KAT2B: variants seen among roughly 807,000 people sequenced by gnomAD.
KAT2B encodes the protein histone acetyltransferase KAT2B.
In KAT2B, 36 loss-of-function variants were observed where a neutral mutation model predicts 105.9. That is an observed-to-expected ratio of 0.34 (90% CI 0.26 to 0.45). KAT2B has a LOEUF of 0.45. KAT2B is among the 20% of genes least tolerant of loss of function. KAT2B has a pLI of 1.00. For missense variants in KAT2B, 820 were observed against 1,021.6 expected (o/e 0.80, Z 2.69); for synonymous variants, 397 against 377.9 (o/e 1.05, Z -0.59).
intron 1 of KAT2B, among the ~76,000 whole-genome samples, chr3:20,055,056 G>C (rs1421965672): frequency 6.6e-6 from 1 of 151,956 alleles, no homozygotes; most frequent in Non-Finnish European, 1.5e-5. Context: ...GAAAGGGTGG[G>C]AGAGAGACCC....
chr3:20,095,769 A>G (rs1698797783), intron 3 of KAT2B, among the ~76,000 whole-genome samples: 1 of 152,212 alleles, frequency 6.6e-6, no homozygotes, highest in South Asian at 2.1e-4. Context: ...CATGCAATAT[A>G]TATTTCAGCA....
At chr3:20,084,161 A>G (rs1698572998) in intron 2 of KAT2B, among the ~76,000 whole-genome samples, 1 of 152,146 alleles carries the variant, frequency 6.6e-6, no homozygotes, top group African/African-American at 2.4e-5. Context: ...TATATAGTGT[A>G]GTCATAGCTG....
At chr3:20,135,068 T>C (rs1022095195) in intron 11 of KAT2B, among the ~76,000 whole-genome samples, 1 of 152,196 alleles carries the variant, frequency 6.6e-6, no homozygotes, top group Non-Finnish European at 1.5e-5. Context: ...TCTATACACA[T>C]GTGTTTATAT....
At chr3:20,130,139 G>T (rs59213344) in intron 11 of KAT2B, among the ~76,000 whole-genome samples, 6,144 of 152,266 alleles carry the variant, frequency 0.04, 154 homozygotes, top group Non-Finnish European at 0.055. Context: ...CACCACGCCC[G>T]GCCTCAGCAC....
chr3:20,062,242 T>C (rs1698139214), intron 1 of KAT2B, among the ~76,000 whole-genome samples: 1 of 37,280 alleles, frequency 2.7e-5, no homozygotes, highest in South Asian at 1.0e-3. Context: ...ATATAAAATA[T>C]ATAATATATA....
At chr3:20,135,622 C>T (rs1699586965) in intron 11 of KAT2B, among the ~76,000 whole-genome samples, 1 of 150,842 alleles carries the variant, frequency 6.6e-6, no homozygotes, top group Admixed American at 6.6e-5. Flanking sequence ...CCACTGCACT[C>T]CAGCCTGGGT....
At chr3:20,120,479 C>T (rs536167608) in intron 8 of KAT2B, among the ~76,000 whole-genome samples, 5 of 152,108 alleles carry the variant, frequency 3.3e-5, no homozygotes, top group South Asian at 2.1e-4. Context: ...CTACCTGTCT[C>T]GGCCTCCCAA....
At position 20,125,995 on chromosome 3, in the gene KAT2B, T is replaced by G; in HGVS notation, c.1504T>G (p.Ser502Ala). 2 of 1,614,048 alleles carry G rather than the reference T, an allele frequency of 1.2e-6. No homozygotes were observed. Among genetic ancestry groups the G allele is most frequent in the Non-Finnish European group, 1.7e-6 (2 of 1,179,972 alleles). ...GVIEFHVVGN[S>A]LNQKPNKKIL... ...AATTGAATTTCACGTGGTTGGCAAT[T>G]CCCTCAACCAGAAACCAAACAAGAA... The change falls in exon 10 of 18, where the codon TCC (serine) becomes GCC (alanine). Residue 502 changes from serine (S) to alanine (A), a missense_variant. By Grantham distance (99) the Ser-to-Ala change is moderately conservative. Transcript: ENST00000263754.
At chr3:20,051,708 A>G (rs1342487771) in intron 1 of KAT2B, among the ~76,000 whole-genome samples, 2 of 152,250 alleles carry the variant, frequency 1.3e-5, no homozygotes, top group Non-Finnish European at 2.9e-5. Flanking sequence ...AGATTACTCT[A>G]CAGCTCCACA....
chr3:20,041,890 A>G (rs1697726249), intron 1 of KAT2B, among the ~76,000 whole-genome samples: 1 of 152,232 alleles, frequency 6.6e-6, no homozygotes. Context: ...TAGAACATCT[A>G]GGTTATACTC....
At chr3:20,071,741 A>G (rs1024557789) in intron 1 of KAT2B, among the ~76,000 whole-genome samples, 11 of 152,224 alleles carry the variant, frequency 7.2e-5, no homozygotes, top group African/African-American at 1.7e-4. Context: ...ACGTGTAAGT[A>G]GAAACCCAGG....
At chr3:20,127,863 G>T (rs990914728) in intron 11 of KAT2B, among the ~76,000 whole-genome samples, 1 of 152,214 alleles carries the variant, frequency 6.6e-6, no homozygotes, top group Non-Finnish European at 1.5e-5. Flanking sequence ...TGCACGCATA[G>T]TTCACAATGG....
chr3:20,110,672 CAA>C (rs55653348), intron 5 of KAT2B, among the ~76,000 whole-genome samples: 24 of 69,468 alleles, frequency 3.5e-4, no homozygotes, highest in Non-Finnish European at 3.8e-4. Flanking sequence ...GACCCTGTCT[CAA>C]AAAAAAAAAA....
chr3:20,152,345 G>T lies in KAT2B; in HGVS notation c.2319G>T (p.Met773Ile). ...TTTCCTGTGCAGATCTGAAAACCAT[G>T]AGTGAACGCCTCAAGAATAGGTACT... ...VIRFPMDLKT[M>I]SERLKNRYYV... Residue 773 changes from methionine (M) to isoleucine (I), a missense_variant, in exon 18 of 18, where the codon ATG (methionine) becomes ATT (isoleucine). This residue lies in a region of KAT2B where 227 missense variants were observed against 292.9 expected (regional missense o/e 0.77). Coordinates refer to ENST00000263754, the MANE Select transcript of KAT2B (RefSeq NM_003884.5). The T allele has an allele frequency of 6.2e-7, 1 of 1,612,294 alleles. No homozygotes were observed. Among genetic ancestry groups the T allele is most frequent in the Non-Finnish European group, 8.5e-7 (1 of 1,178,946 alleles).
At chr3:20,062,012 AT>A (rs1698119269) in intron 1 of KAT2B, among the ~76,000 whole-genome samples, 1 of 74,548 alleles carries the variant, frequency 1.3e-5, no homozygotes, top group African/African-American at 4.1e-5. Context: ...TATAATATAT[AT>A]TATATATAAA....
chr3:20,079,237 C>T (rs1477952927), intron 2 of KAT2B, among the ~76,000 whole-genome samples: 1 of 129,840 alleles, frequency 7.7e-6, no homozygotes, highest in African/African-American at 2.9e-5. Flanking sequence ...CAGAGTCTGG[C>T]TCTGTCACCC....
intron 1 of KAT2B, among the ~76,000 whole-genome samples, chr3:20,050,400 T>G (rs1382142080): frequency 6.6e-6 from 1 of 152,132 alleles, no homozygotes; most frequent in Non-Finnish European, 1.5e-5. Context: ...GATAAAGCTG[T>G]AGGACATTTT....
At chr3:20,106,236 A>G (rs1575136839) in intron 5 of KAT2B, among the ~76,000 whole-genome samples, 2 of 152,376 alleles carry the variant, frequency 1.3e-5, no homozygotes, top group Admixed American at 1.3e-4. Context: ...GCATGCAAAT[A>G]CCATCTTTAT....
chr3:20,123,927 A>G (rs1178662026), intron 9 of KAT2B, among the ~76,000 whole-genome samples: 5 of 152,156 alleles, frequency 3.3e-5, no homozygotes, highest in Admixed American at 2.0e-4. Context: ...CTTAAGACAT[A>G]CCTGTCTTAA....
Sources: allele counts gnomAD v4.1 joint callset (sites outside exome capture counted in the v4.1 genomes callset), GRCh38; gene constraint gnomAD v4.1.1; regional missense constraint gnomAD v4.1.1; transcripts MANE v1.5; gene names NCBI Gene and HGNC (gene_info 2026-07-23, HGNC 2026-07-21).